The following GPC5 variants were observed in gnomAD, a reference collection of about 807,000 sequenced individuals.
GPC5 encodes the protein glypican 5, also known as glypican-5.
GPC5 carries 47 observed loss-of-function variants against 53.9 expected under a neutral mutation model. That is an observed-to-expected ratio of 0.87 (90% CI 0.69 to 1.11). The LOEUF (loss-of-function observed/expected upper bound fraction) is 1.11, where lower values mean the gene tolerates loss of function less well. Among genes scored for constraint, GPC5 ranks in the 50% most tolerant of loss-of-function variants. GPC5 has a pLI of 0.00. For synonymous variants in GPC5, 286 were observed against 263.3 expected (o/e 1.09, Z -0.84); for missense variants, 748 against 713.1 (o/e 1.05, Z -0.56).
intron 7 of GPC5, among the ~76,000 whole-genome samples, chr13:92,414,441 G>T: frequency 6.6e-6 from 1 of 151,538 alleles, no homozygotes; most frequent in Non-Finnish European, 1.5e-5. Flanking sequence ...AGAGGTGGAG[G>T]TTGCAGTGAG....
chr13:91,677,949 T>A (rs890740396), intron 2 of GPC5, among the ~76,000 whole-genome samples: 1 of 152,174 alleles, frequency 6.6e-6, no homozygotes, highest in Non-Finnish European at 1.5e-5. Context: ...AAAGCAGAAA[T>A]GGATGTTGTA....
intron 6 of GPC5, among the ~76,000 whole-genome samples, chr13:91,965,391 G>T (rs2040171459): frequency 6.6e-6 from 1 of 152,060 alleles, no homozygotes. Context: ...ACTTTAAATT[G>T]CTCATTTATC....
chr13:91,735,021 C>T (rs573804401), intron 4 of GPC5, among the ~76,000 whole-genome samples: 1 of 150,882 alleles, frequency 6.6e-6, no homozygotes, highest in South Asian at 2.1e-4. Flanking sequence ...ACATTGAAAA[C>T]ATTTTTTATC....
intron 5 of GPC5, among the ~76,000 whole-genome samples, chr13:91,893,170 T>C (rs1353828611): frequency 3.9e-5 from 6 of 152,062 alleles, no homozygotes; most frequent in Non-Finnish European, 8.8e-5. Context: ...CTAGGCAGAT[T>C]TGATAGTTTT....
intron 7 of GPC5, among the ~76,000 whole-genome samples, chr13:92,500,408 G>A (rs934432823): frequency 3.3e-5 from 5 of 152,044 alleles, no homozygotes; most frequent in South Asian, 2.1e-4. Flanking sequence ...TACTGTTGCC[G>A]GACCCCCAGG....
intron 4 of GPC5, among the ~76,000 whole-genome samples, chr13:91,752,027 T>A (rs2140111911): frequency 6.6e-6 from 1 of 152,254 alleles, no homozygotes; most frequent in East Asian, 1.9e-4. Context: ...GTTGGCAGGT[T>A]TGGTTTCTGC....
intron 5 of GPC5, among the ~76,000 whole-genome samples, chr13:91,823,756 A>G (rs1366374598): frequency 1.3e-5 from 2 of 152,160 alleles, no homozygotes; most frequent in African/African-American, 4.8e-5. Flanking sequence ...ATCCAATGTC[A>G]TAATCACTCT....
intron 2 of GPC5, among the ~76,000 whole-genome samples, chr13:91,474,763 A>G (rs964894049): frequency 3.3e-5 from 5 of 152,132 alleles, no homozygotes; most frequent in Admixed American, 3.3e-4. Context: ...GATGAAAAAC[A>G]TTTTTATTAA....
intron 7 of GPC5, among the ~76,000 whole-genome samples, chr13:92,391,404 C>T (rs895626674): frequency 1.3e-5 from 2 of 152,074 alleles, no homozygotes; most frequent in Non-Finnish European, 2.9e-5. Flanking sequence ...TAATAAATTT[C>T]ACACAGTAAT....
chr13:91,991,799 A>T (rs547667727), intron 6 of GPC5, among the ~76,000 whole-genome samples: 1 of 152,302 alleles, frequency 6.6e-6, no homozygotes, highest in Non-Finnish European at 1.5e-5. Context: ...CTGTGACTGG[A>T]ACACAGGATA....
intron 6 of GPC5, among the ~76,000 whole-genome samples, chr13:92,137,107 G>A (rs1362491592): frequency 2.0e-5 from 3 of 151,896 alleles, no homozygotes; most frequent in Non-Finnish European, 4.4e-5. Context: ...TCAGTTTTAC[G>A]GATGCAGTGT....
chr13:91,981,322 C>T (rs2040355809), intron 6 of GPC5, among the ~76,000 whole-genome samples: 1 of 150,384 alleles, frequency 6.6e-6, no homozygotes, highest in South Asian at 2.1e-4. Context: ...CGGAGTCTCG[C>T]TCTGTCGCCC....
intron 2 of GPC5, among the ~76,000 whole-genome samples, chr13:91,618,696 T>C (rs1056566622): frequency 6.6e-6 from 1 of 152,006 alleles, no homozygotes; most frequent in Non-Finnish European, 1.5e-5. Flanking sequence ...GGCTTCATTG[T>C]TTAAGTTTGG....
chr13:91,832,074 C>A (rs572682840), intron 5 of GPC5, among the ~76,000 whole-genome samples: 2 of 152,012 alleles, frequency 1.3e-5, no homozygotes, highest in African/African-American at 4.8e-5. Context: ...AAGTCTCCCA[C>A]TATTATTGTG....
Position 92,489,647 on chromosome 13 carries a change from ATT to A in GPC5, c.1561+344659_1561+344660del, listed in dbSNP as rs1358310790. Among the ~76,000 whole-genome samples, 9 of 152,232 alleles carry A rather than the reference ATT, an allele frequency of 5.9e-5. No individual in the cohort carries two copies. In the East Asian group the frequency reaches 1.5e-3, roughly 26 times the overall value. On this transcript the variant is annotated intron_variant, in intron 7 of 7. Transcript: ENST00000377067. ...CCTAGAGTTTGCCATTAAGCTTGCC[ATT>A]ACTACTTTCAGAAGAACTCAGAATA... is the stretch of plus-strand genomic sequence containing the variant.
chr13:91,972,513 T>C (rs1473674776), intron 6 of GPC5, among the ~76,000 whole-genome samples: 1 of 152,212 alleles, frequency 6.6e-6, no homozygotes, highest in Admixed American at 6.5e-5. Flanking sequence ...GTCATTATGA[T>C]GTTAGCTGGT....
chr13:92,346,348 G>T (rs1388743281), intron 7 of GPC5, among the ~76,000 whole-genome samples: 1 of 152,184 alleles, frequency 6.6e-6, no homozygotes, highest in African/African-American at 2.4e-5. Flanking sequence ...AGCCTGAATA[G>T]AAGGGAAAGC....
At chr13:91,964,027 A>T (rs888607115) in intron 6 of GPC5, among the ~76,000 whole-genome samples, 1 of 152,114 alleles carries the variant, frequency 6.6e-6, no homozygotes, top group Admixed American at 6.6e-5. Flanking sequence ...GGTCTCGCCG[A>T]CTTCAAGAAT....
intron 7 of GPC5, among the ~76,000 whole-genome samples, chr13:92,452,948 GA>G (rs1878124838): frequency 6.6e-6 from 1 of 152,228 alleles, no homozygotes; most frequent in African/African-American, 2.4e-5. Flanking sequence ...CCGAGGGACA[GA>G]AAGGGCTGGA....
Sources: allele counts gnomAD v4.1 joint callset (sites outside exome capture counted in the v4.1 genomes callset), GRCh38; gene constraint gnomAD v4.1.1; transcripts MANE v1.5; gene names NCBI Gene and HGNC (gene_info 2026-07-23, HGNC 2026-07-21).